EPB41L4A: variants seen among roughly 807,000 people sequenced by gnomAD.
EPB41L4A encodes the protein band 4.1-like protein 4A.
In EPB41L4A, 100 loss-of-function variants were observed where a neutral mutation model predicts 108.6. The ratio of observed to expected loss-of-function variants is 0.92; its 90% CI spans 0.78 to 1.09. The LOEUF is 1.09. EPB41L4A is among the 50% of genes least tolerant of loss of function. The pLI, the probability that EPB41L4A is intolerant of heterozygous loss-of-function variation, is 0.00. For missense variants in EPB41L4A, 1,030 were observed against 842.7 expected, an observed-to-expected ratio of 1.22 and a Z score of -2.75; for synonymous variants, 319 against 289.0, an observed-to-expected ratio of 1.10 and a Z score of -1.05.
chr5:112,291,017 C>G (rs151133532), intron 2 of EPB41L4A, among the ~76,000 whole-genome samples: 124 of 152,298 alleles, frequency 8.1e-4, no homozygotes, highest in African/African-American at 2.9e-3. Flanking sequence ...AACCTAGAGA[C>G]TCCTAGATGT....
At chr5:112,313,708 G>A (rs1580666018) in intron 1 of EPB41L4A, among the ~76,000 whole-genome samples, 1 of 151,730 alleles carries the variant, frequency 6.6e-6, no homozygotes, top group African/African-American at 2.4e-5. Flanking sequence ...TTTTGCTGTG[G>A]AGGCAGTTTG....
chr5:112,251,440 G>A (rs182639885), intron 9 of EPB41L4A, among the ~76,000 whole-genome samples: 4 of 152,210 alleles, frequency 2.6e-5, no homozygotes, highest in East Asian at 3.9e-4. Flanking sequence ...ACAGTGCTAC[G>A]TACAAAAGAA....
chr5:112,245,607 G>A (rs1750151750), intron 9 of EPB41L4A, among the ~76,000 whole-genome samples: 1 of 152,164 alleles, frequency 6.6e-6, no homozygotes, highest in Admixed American at 6.5e-5. Flanking sequence ...AATATAGCAA[G>A]TGGAAAAAAT....
At chr5:112,281,545 C>T (rs1392708372) in intron 2 of EPB41L4A, among the ~76,000 whole-genome samples, 1 of 152,146 alleles carries the variant, frequency 6.6e-6, no homozygotes, top group East Asian at 1.9e-4. Context: ...TGCTGGGGAC[C>T]CCCAGGGCCA....
At chr5:112,352,156 C>T (rs555037067) in intron 1 of EPB41L4A, among the ~76,000 whole-genome samples, 65 of 152,206 alleles carry the variant, frequency 4.3e-4, no homozygotes, top group Non-Finnish European at 8.1e-4. Context: ...TCTTTCTTTC[C>T]TTCGACTCAT....
At chr5:112,409,989 C>G (rs1478560504) in intron 1 of EPB41L4A, among the ~76,000 whole-genome samples, 1 of 152,156 alleles carries the variant, frequency 6.6e-6, no homozygotes, top group African/African-American at 2.4e-5. Context: ...CAGGAAAGTA[C>G]AAAAACTACT....
intron 2 of EPB41L4A, among the ~76,000 whole-genome samples, chr5:112,302,813 C>A (rs1277327085): frequency 6.6e-6 from 1 of 152,174 alleles, no homozygotes; most frequent in Admixed American, 6.5e-5. Flanking sequence ...AAGTAACACA[C>A]ATTCGTCAGC....
intron 18 of EPB41L4A, among the ~76,000 whole-genome samples, chr5:112,171,299 C>T (rs547717114): frequency 3.3e-5 from 5 of 152,318 alleles, no homozygotes; most frequent in African/African-American, 1.2e-4. Context: ...AAGAATGATT[C>T]AGGGCGTCTG....
intron 1 of EPB41L4A, among the ~76,000 whole-genome samples, chr5:112,374,769 G>A (rs1759705969): frequency 1.3e-5 from 2 of 152,100 alleles, no homozygotes; most frequent in South Asian, 2.1e-4. Flanking sequence ...CTGGGGAAGG[G>A]GTCAGAAGGT....
At chr5:112,186,776 A>G (rs1213033455) in intron 17 of EPB41L4A, among the ~76,000 whole-genome samples, 1 of 152,244 alleles carries the variant, frequency 6.6e-6, no homozygotes, top group Admixed American at 6.5e-5. Context: ...TACAAGAATG[A>G]AAGTGTCATT....
chr5:112,298,774 C>T (rs1173633300), intron 2 of EPB41L4A, among the ~76,000 whole-genome samples: 2 of 152,114 alleles, frequency 1.3e-5, no homozygotes, highest in Non-Finnish European at 2.9e-5. Context: ...TCCATCTGGT[C>T]CTGGACTTTT....
intron 1 of EPB41L4A, among the ~76,000 whole-genome samples, chr5:112,369,281 C>T (rs541697450): frequency 6.6e-6 from 1 of 152,294 alleles, no homozygotes; most frequent in East Asian, 1.9e-4. Context: ...AGTTCAATTT[C>T]TTATTATCTC....
intron 1 of EPB41L4A, among the ~76,000 whole-genome samples, chr5:112,331,576 G>C (rs1386019816): frequency 6.6e-6 from 1 of 152,190 alleles, no homozygotes; most frequent in Non-Finnish European, 1.5e-5. Context: ...TTGGTGCCTG[G>C]GGCCAGAGCA....
intron 18 of EPB41L4A, among the ~76,000 whole-genome samples, chr5:112,179,337 T>C (rs1423047589): frequency 6.6e-6 from 1 of 152,104 alleles, no homozygotes; most frequent in Non-Finnish European, 1.5e-5. Flanking sequence ...TCTCAAATTA[T>C]TTTAAATGAC....
chr5:112,288,780 T>C (rs1753452274), intron 2 of EPB41L4A, among the ~76,000 whole-genome samples: 1 of 152,084 alleles, frequency 6.6e-6, no homozygotes, highest in Non-Finnish European at 1.5e-5. Context: ...TACTCAAGGG[T>C]TAAACTTCAG....
At chr5:112,351,407 G>A (rs1057292872) in intron 1 of EPB41L4A, among the ~76,000 whole-genome samples, 1 of 152,154 alleles carries the variant, frequency 6.6e-6, no homozygotes, top group African/African-American at 2.4e-5. Context: ...AACCCCCCAA[G>A]ACTGACGTAC....
chr5:112,332,356 G>A (rs75316979), intron 1 of EPB41L4A, among the ~76,000 whole-genome samples: 1,693 of 152,226 alleles, frequency 0.011, 33 homozygotes, highest in African/African-American at 0.039. Flanking sequence ...ATTTGGCTTG[G>A]GGACCACCCA....
intron 1 of EPB41L4A, among the ~76,000 whole-genome samples, chr5:112,328,872 C>T (rs1756366323): frequency 1.3e-5 from 2 of 152,344 alleles, no homozygotes; most frequent in African/African-American, 4.8e-5. Context: ...GAATCACTAA[C>T]TCCTAAATCA....
At chr5:112,408,079 G>A (rs1031613835) in intron 1 of EPB41L4A, among the ~76,000 whole-genome samples, 2 of 152,184 alleles carry the variant, frequency 1.3e-5, no homozygotes, top group Non-Finnish European at 2.9e-5. Context: ...CAATGGGATA[G>A]AATTCAGAGC....
Sources: allele counts gnomAD v4.1 joint callset (sites outside exome capture counted in the v4.1 genomes callset), GRCh38; gene constraint gnomAD v4.1.1; transcripts MANE v1.5; gene names NCBI Gene and HGNC (gene_info 2026-07-23, HGNC 2026-07-21).